The following PAPPA variants were observed in gnomAD, a reference collection of about 807,000 sequenced individuals.
PAPPA encodes the protein pappalysin-1.
PAPPA carries 60 observed loss-of-function variants against 164.0 expected under a neutral mutation model. That is an observed-to-expected ratio of 0.37 (90% CI 0.30 to 0.45). The LOEUF is 0.45. Ranked by LOEUF, PAPPA falls within the 20% of genes least tolerant of loss-of-function variation. The pLI is 1.00. For missense variants in PAPPA, 1,782 were observed against 2,087.3 expected (o/e 0.85, Z 2.85); for synonymous variants, 875 against 814.1 (o/e 1.07, Z -1.27).
intron 5 of PAPPA, among the ~76,000 whole-genome samples, chr9:116,220,794 G>A (rs191229051): frequency 2.0e-3 from 298 of 151,808 alleles, no homozygotes; most frequent in African/African-American, 7.1e-3. Flanking sequence ...GCTGAGGCAG[G>A]AGAATGCTTG....
chr9:116,312,389 A>G (rs1455479746), intron 10 of PAPPA, among the ~76,000 whole-genome samples: 1 of 150,082 alleles, frequency 6.7e-6, no homozygotes, highest in East Asian at 2.0e-4. Context: ...TTCTGTACCC[A>G]AGAAACATGT....
intron 19 of PAPPA, among the ~76,000 whole-genome samples, chr9:116,374,161 GTGGTGGTGTTGATGATGATGA>G (rs1846615881): frequency 2.1e-5 from 3 of 146,156 alleles, no homozygotes; most frequent in African/African-American, 5.2e-5. Flanking sequence ...GGTAGTGTTG[GTGGTGGTGTTGATGATGATGA>G]TGGTGGTGAT....
At chr9:116,297,991 A>G (rs1246943371) in intron 9 of PAPPA, among the ~76,000 whole-genome samples, 1 of 152,244 alleles carries the variant, frequency 6.6e-6, no homozygotes, top group Non-Finnish European at 1.5e-5. Context: ...AGATTAACCA[A>G]TAATCAGAGA....
chr9:116,288,331 C>T (rs1443209819), intron 9 of PAPPA, among the ~76,000 whole-genome samples: 7 of 152,070 alleles, frequency 4.6e-5, no homozygotes, highest in East Asian at 1.9e-4. Flanking sequence ...ATTGCGCCAC[C>T]GCACTCAAGC....
At chr9:116,248,142 A>G (rs149842680) in intron 7 of PAPPA, among the ~76,000 whole-genome samples, 25 of 152,340 alleles carry the variant, frequency 1.6e-4, no homozygotes, top group African/African-American at 5.8e-4. Context: ...CACATCAAGC[A>G]GTTTCCCGTA....
At chr9:116,352,996 C>T (rs1409323857) in intron 16 of PAPPA, 80 bp downstream of exon 16, 14 of 1,006,586 alleles carry the variant, frequency 1.4e-5, no homozygotes, top group Non-Finnish European at 2.2e-5. Flanking sequence ...GACGGAAGCA[C>T]TCATTTCTTC....
chr9:116,317,354 G>A (rs1390507237), intron 10 of PAPPA, among the ~76,000 whole-genome samples: 9 of 152,100 alleles, frequency 5.9e-5, no homozygotes, highest in Admixed American at 5.9e-4. Flanking sequence ...CAGGGACTTT[G>A]ATTTAAAATC....
At chr9:116,376,188 T>G (rs1298249354) in intron 19 of PAPPA, among the ~76,000 whole-genome samples, 1 of 151,964 alleles carries the variant, frequency 6.6e-6, no homozygotes, top group Non-Finnish European at 1.5e-5. Flanking sequence ...ACCCAGCTAA[T>G]TTTTGTATTT....
intron 7 of PAPPA, among the ~76,000 whole-genome samples, chr9:116,258,419 G>T (rs1472676586): frequency 6.6e-6 from 1 of 152,092 alleles, no homozygotes; most frequent in Non-Finnish European, 1.5e-5. Flanking sequence ...CACTTTGAGA[G>T]GCCAAGGCAG....
intron 19 of PAPPA, among the ~76,000 whole-genome samples, chr9:116,377,181 C>T (rs1335296536): frequency 6.6e-6 from 1 of 151,398 alleles, no homozygotes. Flanking sequence ...TGCACACATA[C>T]ACACACACAC....
intron 5 of PAPPA, among the ~76,000 whole-genome samples, chr9:116,225,367 G>A (rs905927198): frequency 1.1e-3 from 162 of 152,310 alleles, no homozygotes; most frequent in African/African-American, 3.7e-3. Context: ...AGTAACTCAT[G>A]TATTTAAAAT....
At chr9:116,258,578 C>T (rs1248739002) in intron 7 of PAPPA, among the ~76,000 whole-genome samples, 2 of 151,876 alleles carry the variant, frequency 1.3e-5, no homozygotes, top group Admixed American at 6.6e-5. Context: ...ATCCCTTGAA[C>T]CCGGGAGGCG....
chr9:116,272,182 G>A (rs1294273316), intron 9 of PAPPA, among the ~76,000 whole-genome samples: 4 of 152,178 alleles, frequency 2.6e-5, no homozygotes, highest in Non-Finnish European at 4.4e-5. Flanking sequence ...GGCAGGGGTG[G>A]AATTTTGAGC....
At chr9:116,257,560 G>C (rs1844943523) in intron 7 of PAPPA, among the ~76,000 whole-genome samples, 1 of 151,912 alleles carries the variant, frequency 6.6e-6, no homozygotes, top group Non-Finnish European at 1.5e-5. Flanking sequence ...AAATTAGTGG[G>C]GCATGGTGGC....
At chr9:116,244,933 G>T (rs1336668016) in intron 7 of PAPPA, among the ~76,000 whole-genome samples, 1 of 152,134 alleles carries the variant, frequency 6.6e-6, no homozygotes. Flanking sequence ...TGGATGATGG[G>T]ATAAAGAAAA....
chr9:116,378,249 T>TA lies in PAPPA; in HGVS notation c.4677+603dup, dbSNP rs1199813851. The stretch of plus-strand genomic sequence containing the variant: ...AGCCATTCCTTACAGCTTGGAATTA[T>TA]AGAGATCTGTCTCTGTGTGTCAGTG... On this transcript the variant is annotated intron_variant, in intron 20 of 21. Transcript: ENST00000328252. 4.6e-5 allele frequency among the ~76,000 whole-genome samples: 7 copies of TA among 152,190 alleles called. No individual in the cohort carries two copies. In the East Asian group the frequency reaches 1.3e-3, roughly 29 times the overall value.
At chr9:116,301,665 G>A (rs751180714) in intron 9 of PAPPA, among the ~76,000 whole-genome samples, 12 of 152,202 alleles carry the variant, frequency 7.9e-5, no homozygotes, top group South Asian at 6.2e-4. Flanking sequence ...CATTGCAGCC[G>A]GCTGCAGCTT....
intron 7 of PAPPA, among the ~76,000 whole-genome samples, chr9:116,257,771 A>G (rs1421489808): frequency 6.6e-6 from 1 of 152,080 alleles, no homozygotes; most frequent in African/African-American, 2.4e-5. Flanking sequence ...TCTACTGGAA[A>G]CAATATAGAA....
chr9:116,321,849 G>A (rs1845860288), intron 10 of PAPPA, among the ~76,000 whole-genome samples: 1 of 152,168 alleles, frequency 6.6e-6, no homozygotes, highest in Middle Eastern at 3.2e-3. Flanking sequence ...GCTCATACAT[G>A]GAGATTCAGA....
Sources: allele counts gnomAD v4.1 joint callset (sites outside exome capture counted in the v4.1 genomes callset), GRCh38; gene constraint gnomAD v4.1.1; transcripts MANE v1.5; gene names NCBI Gene and HGNC (gene_info 2026-07-23, HGNC 2026-07-21).